Variants in RTN4 observed in about 807,000 individuals in gnomAD.
RTN4 encodes the protein reticulon 4.
A neutral mutation model predicts 90.4 loss-of-function variants in RTN4; 32 were observed. The ratio of observed to expected loss-of-function variants is 0.35; its 90% CI spans 0.27 to 0.48. The LOEUF (loss-of-function observed/expected upper bound fraction) is 0.48, where lower values mean the gene tolerates loss of function less well. RTN4 is among the 20% of genes least tolerant of loss of function. The probability of loss-of-function intolerance (pLI) is 0.99; values close to 1 mark genes in which losing one functional copy is unlikely to be tolerated. For synonymous variants in RTN4, 629 were observed against 552.5 expected, an observed-to-expected ratio of 1.14 and a Z score of -1.94; for missense variants, 1,706 against 1,430.2, an observed-to-expected ratio of 1.19 and a Z score of -3.11.
At chr2:54,985,589 T>G (rs1416214796) in intron 4 of RTN4, among the ~76,000 whole-genome samples, 1 of 152,190 alleles carries the variant, frequency 6.6e-6, no homozygotes, top group Non-Finnish European at 1.5e-5. Context: ...TATTAAAATA[T>G]GTACATAAAA....
chr2:54,998,158 G>T (rs1218289516), intron 3 of RTN4, among the ~76,000 whole-genome samples: 1 of 150,954 alleles, frequency 6.6e-6, no homozygotes, highest in Non-Finnish European at 1.5e-5. Context: ...TGTAGAGACA[G>T]AAAGTAGATA....
chr2:55,124,907 C>T, the RTN4 span, among the ~76,000 whole-genome samples: 4 of 152,084 alleles, frequency 2.6e-5, no homozygotes, highest in African/African-American at 4.8e-5. Flanking sequence ...AGAAATAAGG[C>T]CACATATCTA....
intron 2 of RTN4, among the ~76,000 whole-genome samples, chr2:55,074,517 C>CAAAA (rs778275041): frequency 3.4e-5 from 2 of 59,600 alleles, no homozygotes; most frequent in African/African-American, 5.8e-5. Context: ...CTGCCCTCAC[C>CAAAA]AAAAAAAAAA....
At chr2:55,066,197 G>GTGTGTT (rs1553449533) in intron 2 of RTN4, among the ~76,000 whole-genome samples, 5 of 64,540 alleles carry the variant, frequency 7.7e-5, no homozygotes, top group African/African-American at 2.5e-4. Context: ...GTGTGTTTGT[G>GTGTGTT]TGTGTGTGTG....
intron 1 of RTN4, among the ~76,000 whole-genome samples, chr2:55,090,850 C>T (rs1668923094): frequency 6.6e-6 from 1 of 152,216 alleles, no homozygotes; most frequent in Admixed American, 6.5e-5. Flanking sequence ...AGCCCCACAT[C>T]CACTCAGTTG....
At position 54,972,958 on chromosome 2, in the gene RTN4, A is replaced by ATACTT. The variant is rs1553429904; in HGVS notation, c.*193_*197dup. 11 of 478,928 alleles carry ATACTT rather than the reference A, an allele frequency of 2.3e-5. No individual in the cohort carries two copies. The highest frequency in any genetic ancestry group is 4.7e-5 in the South Asian group (1 of 21,142). 29.7% of individuals were successfully genotyped at this position (478,928 alleles called of 1,614,324 possible). On this transcript the variant is annotated 3_prime_UTR_variant, in exon 9 of 9. Transcript: ENST00000337526. ...TTAAATCCATACATAGCAGCTTACA[A>ATACTT]TACTTAAGATGATGAACACATGGCA...
intron 1 of RTN4, chr2:55,049,230 C>A: frequency 5.2e-6 from 5 of 955,092 alleles, no homozygotes; most frequent in Non-Finnish European, 6.2e-6. Flanking sequence ...GCCACCCACG[C>A]CAGCCAGGAG....
At chr2:54,995,724 C>G (rs1553435768) in intron 3 of RTN4, among the ~76,000 whole-genome samples, 1 of 152,066 alleles carries the variant, frequency 6.6e-6, no homozygotes, top group Non-Finnish European at 1.5e-5. Flanking sequence ...TACACACACC[C>G]CCACACTCAT....
At chr2:55,129,316 G>A in the RTN4 span, among the ~76,000 whole-genome samples, 1 of 152,014 alleles carries the variant, frequency 6.6e-6, no homozygotes, top group South Asian at 2.1e-4. Context: ...ACTCACACCT[G>A]TAATCCCAGC....
chr2:55,049,616 T>C (rs1315953293), intron 1 of RTN4, 129 bp downstream of exon 1: 1 of 1,438,720 alleles, frequency 7.0e-7, no homozygotes, highest in Non-Finnish European at 9.5e-7. Context: ...CGGGGCGCCA[T>C]CGCCCCGAAG....
At chr2:55,013,674 T>C (rs1680818645) in intron 3 of RTN4, among the ~76,000 whole-genome samples, 1 of 151,462 alleles carries the variant, frequency 6.6e-6, no homozygotes, top group African/African-American at 2.4e-5. Context: ...TAGAAAGTTA[T>C]ATTTTAGATT....
intron 1 of RTN4, among the ~76,000 whole-genome samples, chr2:55,029,899 C>T (rs1373727261): frequency 1.3e-5 from 2 of 152,110 alleles, no homozygotes; most frequent in African/African-American, 4.8e-5. Flanking sequence ...TCTTAAATTA[C>T]AGTTTCTCAT....
intron 3 of RTN4, among the ~76,000 whole-genome samples, chr2:55,020,316 T>C (rs1279038278): frequency 1.3e-5 from 2 of 151,878 alleles, no homozygotes; most frequent in African/African-American, 4.8e-5. Context: ...ACAGCTATAG[T>C]AACCAAAACA....
rs1311427552 is a variant in RTN4, at chr2:55,049,922, C to A, written c.379G>T (p.Ala127Ser). ...TCAGGGAGCTTGGAGGGCGAGACTG[C>A]GGCAGCAGACAGCGGGGATGGCGCG... ...VPAPSPLSAA[A>S]VSPSKLPEDD... is the part of the protein sequence containing the mutation. Residue 127 changes from alanine to serine, a missense_variant, in exon 1 of 9, where the codon GCA becomes TCA. By Grantham distance (99) the Ala-to-Ser change is moderately conservative. Transcript: ENST00000337526. The A allele has an allele frequency of 1.5e-6, 2 of 1,337,544 alleles. No homozygotes were observed. The highest frequency in any genetic ancestry group is 1.9e-6 in the Non-Finnish European group (2 of 1,049,904). 82.9% of individuals were successfully genotyped at this position (1,337,544 alleles called of 1,614,324 possible).
At chr2:55,016,681 T>C (rs1260842784) in intron 3 of RTN4, among the ~76,000 whole-genome samples, 1 of 152,252 alleles carries the variant, frequency 6.6e-6, no homozygotes, top group East Asian at 1.9e-4. Flanking sequence ...AATATGATTA[T>C]AATTTTTTTC....
intron 1 of RTN4, among the ~76,000 whole-genome samples, chr2:55,112,349 A>G (rs1187164031): frequency 1.3e-5 from 2 of 152,238 alleles, no homozygotes; most frequent in Non-Finnish European, 2.9e-5. Context: ...GAGGTCACAG[A>G]GCCAAAGTCA....
chr2:55,003,838 G>A (rs950638147), intron 3 of RTN4, among the ~76,000 whole-genome samples: 5 of 152,126 alleles, frequency 3.3e-5, no homozygotes, highest in African/African-American at 1.2e-4. Context: ...GATGTGCGTA[G>A]GTTTTACGAA....
intron 3 of RTN4, among the ~76,000 whole-genome samples, chr2:55,007,740 T>C (rs1402186251): frequency 1.3e-5 from 2 of 152,160 alleles, no homozygotes; most frequent in Non-Finnish European, 2.9e-5. Context: ...CACTAGATGA[T>C]TCTCATCTAC....
At chr2:55,090,828 A>T (rs780702380) in intron 1 of RTN4, among the ~76,000 whole-genome samples, 63 of 151,944 alleles carry the variant, frequency 4.1e-4, no homozygotes, top group Non-Finnish European at 8.7e-4. Context: ...AGTCTTTTCC[A>T]CCTCAGTTAC....
Sources: allele counts gnomAD v4.1 joint callset (sites outside exome capture counted in the v4.1 genomes callset), GRCh38; gene constraint gnomAD v4.1.1; transcripts MANE v1.5; gene names NCBI Gene and HGNC (gene_info 2026-07-23, HGNC 2026-07-21).